Variants in ADGRB3 observed in about 807,000 individuals in gnomAD.
ADGRB3 encodes the protein brain-specific angiogenesis inhibitor 3.
Under a neutral mutation model 193.4 loss-of-function variants are expected in ADGRB3, and 37 were observed. The ratio of observed to expected loss-of-function variants is 0.19; its 90% CI spans 0.15 to 0.25. The LOEUF (loss-of-function observed/expected upper bound fraction) is 0.25, where lower values mean the gene tolerates loss of function less well. ADGRB3 is among the 10% of genes least tolerant of loss of function. The probability of loss-of-function intolerance (pLI) is 1.00; values close to 1 mark genes in which losing one functional copy is unlikely to be tolerated. For missense variants in ADGRB3, 1,637 were observed against 1,852.9 expected, an observed-to-expected ratio of 0.88 and a Z score of 2.14; for synonymous variants, 690 against 644.2, an observed-to-expected ratio of 1.07 and a Z score of -1.08.
At chr6:69,319,585 T>G (rs938044083) in intron 20 of ADGRB3, among the ~76,000 whole-genome samples, 3 of 151,456 alleles carry the variant, frequency 2.0e-5, no homozygotes, top group African/African-American at 7.2e-5. Context: ...TGCAGTTTTC[T>G]CAGTTTTTGC....
intron 3 of ADGRB3, among the ~76,000 whole-genome samples, chr6:68,920,839 A>T (rs1767023030): frequency 6.6e-6 from 1 of 152,212 alleles, no homozygotes; most frequent in Non-Finnish European, 1.5e-5. Context: ...AGCACAATGT[A>T]CAAATGTAAT....
chr6:69,134,217 C>T (rs1232809778), intron 17 of ADGRB3, among the ~76,000 whole-genome samples: 1 of 152,078 alleles, frequency 6.6e-6, no homozygotes, highest in African/African-American at 2.4e-5. Context: ...CCATCCACTC[C>T]ATTCTTCCTC....
chr6:69,286,368 C>T (rs999589602), intron 20 of ADGRB3, among the ~76,000 whole-genome samples: 3 of 152,140 alleles, frequency 2.0e-5, no homozygotes, highest in Admixed American at 6.5e-5. Flanking sequence ...CTTTCTCCCC[C>T]CTTAATCCTG....
intron 17 of ADGRB3, among the ~76,000 whole-genome samples, chr6:69,206,510 A>G (rs1032739661): frequency 4.6e-5 from 7 of 152,158 alleles, no homozygotes; most frequent in South Asian, 4.1e-4. Context: ...CTGAGATTAT[A>G]CATAACCTTC....
At chr6:69,304,098 T>A (rs539582057) in intron 20 of ADGRB3, among the ~76,000 whole-genome samples, 164 of 150,900 alleles carry the variant, frequency 1.1e-3, no homozygotes, top group Middle Eastern at 3.4e-3. Context: ...GGGTTTTTTT[T>A]AAAAAAAAGA....
At chr6:69,021,009 A>G (rs1425182332) in intron 13 of ADGRB3, among the ~76,000 whole-genome samples, 4 of 151,980 alleles carry the variant, frequency 2.6e-5, no homozygotes, top group African/African-American at 9.7e-5. Flanking sequence ...AGACTATTTT[A>G]TAGTAGAAAG....
chr6:69,307,235 T>C (rs900141407), intron 20 of ADGRB3, among the ~76,000 whole-genome samples: 2 of 151,546 alleles, frequency 1.3e-5, no homozygotes, highest in Non-Finnish European at 2.9e-5. Context: ...TTGTCTTCTA[T>C]AAAGTTATAG....
At chr6:68,799,523 T>C (rs756912812) in intron 3 of ADGRB3, among the ~76,000 whole-genome samples, 1 of 152,218 alleles carries the variant, frequency 6.6e-6, no homozygotes, top group Non-Finnish European at 1.5e-5. Flanking sequence ...AAAATGTTAT[T>C]ATTTACTATA....
intron 3 of ADGRB3, among the ~76,000 whole-genome samples, chr6:68,916,426 A>G (rs1766881903): frequency 6.6e-6 from 1 of 152,122 alleles, no homozygotes; most frequent in African/African-American, 2.4e-5. Context: ...TCACCCTTCC[A>G]AAGTACTTTT....
At chr6:68,911,530 T>C (rs1325495009) in intron 3 of ADGRB3, among the ~76,000 whole-genome samples, 1 of 152,210 alleles carries the variant, frequency 6.6e-6, no homozygotes, top group African/African-American at 2.4e-5. Flanking sequence ...GATACCAGCA[T>C]GCTATGCCCT....
At chr6:68,722,906 CA>C (rs1018507517) in intron 3 of ADGRB3, among the ~76,000 whole-genome samples, 14 of 151,114 alleles carry the variant, frequency 9.3e-5, no homozygotes, top group Non-Finnish European at 1.8e-4. Context: ...ACAAAAAAGG[CA>C]AAAAAATGAG....
chr6:68,788,316 A>G (rs943993460), intron 3 of ADGRB3, among the ~76,000 whole-genome samples: 3 of 151,490 alleles, frequency 2.0e-5, no homozygotes, highest in African/African-American at 7.3e-5. Flanking sequence ...CCTTCTTCAC[A>G]CAGCTTTGAA....
At chr6:69,040,098 G>A (rs1242372426) in intron 13 of ADGRB3, among the ~76,000 whole-genome samples, 1 of 152,120 alleles carries the variant, frequency 6.6e-6, no homozygotes, top group Non-Finnish European at 1.5e-5. Flanking sequence ...TGAGAGTGGT[G>A]CCAGTCTGAG....
intron 3 of ADGRB3, among the ~76,000 whole-genome samples, chr6:68,785,575 G>C (rs1766949969): frequency 1.3e-5 from 2 of 151,906 alleles, no homozygotes; most frequent in Non-Finnish European, 2.9e-5. Flanking sequence ...ATTTGAGTTG[G>C]TTCCAAGTCT....
chr6:69,059,487 T>C (rs751931823), intron 15 of ADGRB3, among the ~76,000 whole-genome samples: 39 of 152,316 alleles, frequency 2.6e-4, no homozygotes, highest in Non-Finnish European at 4.7e-4. Flanking sequence ...GGGTTACCTT[T>C]GAATGATTAA....
intron 20 of ADGRB3, among the ~76,000 whole-genome samples, chr6:69,316,806 A>G (rs1454429765): frequency 6.6e-6 from 1 of 151,546 alleles, no homozygotes; most frequent in Non-Finnish European, 1.5e-5. Flanking sequence ...TTTGACCACA[A>G]TTGGAGAAAA....
chr6:69,331,423 T>G (rs1768726099), intron 23 of ADGRB3: 1 of 389,544 alleles, frequency 2.6e-6, no homozygotes, highest in Non-Finnish European at 3.5e-6. Flanking sequence ...TGCTATACAA[T>G]TATATTTCTA....
In ADGRB3 at chr6:68,956,878, T is replaced by C. The variant is rs77713211; in HGVS notation, c.1525+69T>C. On this transcript the variant is annotated intron_variant, in intron 8 of 31. Transcript: ENST00000370598. The stretch of plus-strand genomic sequence containing the variant: ...GTGAAAAAAAAAAGATTTAAAAATA[T>C]TGTCATTGGTTAAGGGTCATATTCC... 6.8e-5 allele frequency: 105 copies of C among 1,538,158 alleles called. No individual in the cohort carries two copies. In the East Asian group the frequency reaches 2.4e-3, roughly 36 times the overall value.
At chr6:69,179,350 C>A (rs1370902763) in intron 17 of ADGRB3, among the ~76,000 whole-genome samples, 1 of 152,102 alleles carries the variant, frequency 6.6e-6, no homozygotes, top group African/African-American at 2.4e-5. Context: ...TGACTGATTT[C>A]TTTTTAAGGT....
Sources: allele counts gnomAD v4.1 joint callset (sites outside exome capture counted in the v4.1 genomes callset), GRCh38; gene constraint gnomAD v4.1.1; transcripts MANE v1.5; gene names NCBI Gene and HGNC (gene_info 2026-07-23, HGNC 2026-07-21).